The following TRABD2B variants were observed in gnomAD, a reference collection of about 807,000 sequenced individuals.
TRABD2B encodes the protein metalloprotease TIKI2.
TRABD2B carries 14 observed loss-of-function variants against 40.1 expected under a neutral mutation model. The ratio of observed to expected loss-of-function variants is 0.35; its 90% CI spans 0.23 to 0.55. The LOEUF is 0.55. TRABD2B is among the 20% of genes least tolerant of loss of function. The pLI, the probability that TRABD2B is intolerant of heterozygous loss-of-function variation, is 0.90. For missense variants in TRABD2B, 541 were observed against 648.6 expected (o/e 0.83, Z 1.80); for synonymous variants, 263 against 277.0 (o/e 0.95, Z 0.50).
At chr1:47,957,584 C>A (rs541880140) in intron 2 of TRABD2B, among the ~76,000 whole-genome samples, 2 of 151,868 alleles carry the variant, frequency 1.3e-5, no homozygotes, top group Non-Finnish European at 2.9e-5. Context: ...CTTCAGTAGC[C>A]GATTCGATCA....
intron 2 of TRABD2B, among the ~76,000 whole-genome samples, chr1:47,822,500 A>C (rs949449044): frequency 2.5e-5 from 2 of 79,440 alleles, no homozygotes; most frequent in African/African-American, 8.0e-5. Flanking sequence ...TGTGGAATCA[A>C]ATTTTCTGGC....
chr1:47,792,018 GCTTGGAAATT>G (rs1453612825), intron 4 of TRABD2B, among the ~76,000 whole-genome samples: 2 of 152,198 alleles, frequency 1.3e-5, no homozygotes, highest in Non-Finnish European at 2.9e-5. Flanking sequence ...GCTCTGTCCA[GCTTGGAAATT>G]CTTGGGTGGA....
At chr1:47,783,223 C>T (rs1378973245) in intron 4 of TRABD2B, among the ~76,000 whole-genome samples, 1 of 151,538 alleles carries the variant, frequency 6.6e-6, no homozygotes, top group South Asian at 2.1e-4. Context: ...CAGAGACAGG[C>T]AGTAAGAGAC....
chr1:47,868,701 T>C (rs887563955), intron 2 of TRABD2B, among the ~76,000 whole-genome samples: 5 of 152,210 alleles, frequency 3.3e-5, no homozygotes, highest in Non-Finnish European at 7.4e-5. Flanking sequence ...CCCTAGACTG[T>C]GGAAAAATTA....
rs184424658 is a variant in TRABD2B, at chr1:47,918,784, C to T, written c.666+75250G>A. On this transcript the variant is annotated intron_variant, in intron 2 of 6. Coordinates refer to ENST00000606738, the MANE Select transcript of TRABD2B (RefSeq NM_001194986.2). Reference sequence around the variant, plus strand: ...CTGGGGAAAATCAGCGACCAAGGTCCAGAGTCAGGGCTAGAGGTAAACATA... The same window carrying T: ...CTGGGGAAAATCAGCGACCAAGGTCTAGAGTCAGGGCTAGAGGTAAACATA... Among the ~76,000 whole-genome samples, 1,142 of 152,314 alleles carry T rather than the reference C, an allele frequency of 7.5e-3. 10 individuals carry two copies. Among genetic ancestry groups the T allele is most frequent in the Non-Finnish European group, 0.01 (708 of 68,032 alleles).
chr1:47,868,292 T>C (rs1045179679), intron 2 of TRABD2B, among the ~76,000 whole-genome samples: 3 of 152,142 alleles, frequency 2.0e-5, no homozygotes, highest in Non-Finnish European at 2.9e-5. Context: ...ATCTGACATA[T>C]GGCTGGTAAA....
In TRABD2B at chr1:47,994,511, G is replaced by A. The variant is rs1048746175; in HGVS notation, c.189C>T (p.Arg63=). 1.8e-5 allele frequency: 27 copies of A among 1,536,174 alleles called. No homozygotes were observed. Among genetic ancestry groups the A allele is most frequent in the African/African-American group, 1.2e-4 (9 of 73,188 alleles). Residue 63 remains arginine, a synonymous_variant, in exon 2 of 7, where the codon CGC becomes CGT. Transcript: ENST00000606738. The surrounding 1 kb of genome is among the most constrained non-coding windows in gnomAD (Gnocchi z 6.7). ...LFGTIHVPYT[R]VWDFIPDNSK... Reference sequence around the variant, plus strand: ...AGTTGTCCGGGATGAAGTCCCAGACGCGGGTGTAGGGGACGTGAATAGTGC... The same window carrying A: ...AGTTGTCCGGGATGAAGTCCCAGACACGGGTGTAGGGGACGTGAATAGTGC...
intron 2 of TRABD2B, among the ~76,000 whole-genome samples, chr1:47,908,248 A>G (rs1644704673): frequency 6.6e-6 from 1 of 152,234 alleles, no homozygotes; most frequent in Non-Finnish European, 1.5e-5. Context: ...TGCAAAGGGA[A>G]ATGTCTAGAA....
intron 2 of TRABD2B, among the ~76,000 whole-genome samples, chr1:47,905,883 G>C (rs1178675091): frequency 6.6e-6 from 1 of 152,160 alleles, no homozygotes; most frequent in African/African-American, 2.4e-5. Context: ...CTGGGGAAGG[G>C]CTACCTGATG....
intron 2 of TRABD2B, among the ~76,000 whole-genome samples, chr1:47,872,386 C>T (rs886762555): frequency 1.4e-4 from 21 of 152,234 alleles, no homozygotes; most frequent in African/African-American, 4.3e-4. Flanking sequence ...CTGCCACCTC[C>T]GGGAGACTGA....
intron 4 of TRABD2B, among the ~76,000 whole-genome samples, chr1:47,783,192 GGAGA>G (rs959222400): frequency 6.6e-6 from 1 of 151,982 alleles, no homozygotes; most frequent in Non-Finnish European, 1.5e-5. Context: ...AAGGCAATGT[GGAGA>G]GAAAGAGAAA....
chr1:47,793,134 T>C (rs1644698676), intron 4 of TRABD2B, among the ~76,000 whole-genome samples: 1 of 152,048 alleles, frequency 6.6e-6, no homozygotes, highest in Admixed American at 6.6e-5. Context: ...CAGGAATCCC[T>C]CCCTTCTCTA....
chr1:47,991,493 A>C (rs1332012888), intron 2 of TRABD2B, among the ~76,000 whole-genome samples: 1 of 152,180 alleles, frequency 6.6e-6, no homozygotes, highest in Non-Finnish European at 1.5e-5. Context: ...TTTTGAAATC[A>C]AAGACCAAAA....
chr1:47,964,676 G>A (rs946716078), intron 2 of TRABD2B, among the ~76,000 whole-genome samples: 4 of 152,098 alleles, frequency 2.6e-5, no homozygotes, highest in African/African-American at 4.8e-5. Context: ...TTTTAATGCT[G>A]AACAGCCTTG....
At chr1:47,912,813 G>A (rs1644780841) in intron 2 of TRABD2B, among the ~76,000 whole-genome samples, 1 of 152,096 alleles carries the variant, frequency 6.6e-6, no homozygotes, top group African/African-American at 2.4e-5. Flanking sequence ...CTCGTCCCAG[G>A]AGCTGGCAAG....
At chr1:47,855,610 G>A (rs1643882646) in intron 2 of TRABD2B, among the ~76,000 whole-genome samples, 1 of 152,164 alleles carries the variant, frequency 6.6e-6, no homozygotes, top group Non-Finnish European at 1.5e-5. Context: ...AGTATGATTC[G>A]TTTATCCATT....
At chr1:47,864,963 A>G (rs1355890011) in intron 2 of TRABD2B, among the ~76,000 whole-genome samples, 3 of 139,774 alleles carry the variant, frequency 2.1e-5, no homozygotes, top group Non-Finnish European at 4.6e-5. Context: ...TGCCCTAGGC[A>G]CACCACCACT....
chr1:47,805,136 T>G (rs1352028588), intron 2 of TRABD2B, among the ~76,000 whole-genome samples: 3 of 151,930 alleles, frequency 2.0e-5, no homozygotes, highest in Middle Eastern at 3.2e-3. Flanking sequence ...GTGGGCAGAG[T>G]GGACTCAACC....
chr1:47,847,159 G>A (rs565644775), intron 2 of TRABD2B, among the ~76,000 whole-genome samples: 1 of 152,298 alleles, frequency 6.6e-6, no homozygotes, highest in South Asian at 2.1e-4. Flanking sequence ...CTTGCACTTG[G>A]GGAGGCTGGG....
Sources: allele counts gnomAD v4.1 joint callset (sites outside exome capture counted in the v4.1 genomes callset), GRCh38; gene constraint gnomAD v4.1.1; non-coding constraint Gnocchi (gnomAD v3.1); transcripts MANE v1.5; gene names NCBI Gene and HGNC (gene_info 2026-07-23, HGNC 2026-07-21).